The following SYNJ1 variants were observed in gnomAD, a reference collection of about 807,000 sequenced individuals.
SYNJ1 encodes the protein synaptojanin 1, also known as polyphosphatidylinositol phosphatase SYNJ1.
In SYNJ1, 78 loss-of-function variants were observed where a neutral mutation model predicts 168.2. That is an observed-to-expected ratio of 0.46 (90% CI 0.39 to 0.56). The LOEUF (loss-of-function observed/expected upper bound fraction) is 0.56, where lower values mean the gene tolerates loss of function less well. Ranked by LOEUF, SYNJ1 falls within the 20% of genes least tolerant of loss-of-function variation. The pLI, the probability that SYNJ1 is intolerant of heterozygous loss-of-function variation, is 0.00. For synonymous variants in SYNJ1, 539 were observed against 548.6 expected (o/e 0.98, Z 0.24); for missense variants, 1,303 against 1,597.6 (o/e 0.82, Z 3.14).
Position 32,715,899 on chromosome 21 carries a change from G to T in SYNJ1, c.124+10873C>A, listed in dbSNP as rs1041631958. 6.6e-5 allele frequency among the ~76,000 whole-genome samples: 10 copies of T among 151,996 alleles called. 1 individual carries two copies. ...GAAGTAATGAGTATCCAACCAAGAAGAATTTATATATCTCTCCAAATGCCA... is the reference window on the plus strand; with the variant it reads ...GAAGTAATGAGTATCCAACCAAGAATAATTTATATATCTCTCCAAATGCCA... On this transcript the variant is annotated intron_variant, in intron 2 of 32. Coordinates refer to ENST00000674351, the MANE Select transcript of SYNJ1 (RefSeq NM_203446.3).
In SYNJ1 at chr21:32,696,804, C is replaced by T. The variant is rs185323710; in HGVS notation, c.480-1522G>A. On this transcript the variant is annotated intron_variant, in intron 4 of 32. Transcript: ENST00000674351. Reference sequence around the variant, plus strand: ...CAGTTCTGGAAAACCAGCTATGACCCCAACCCCTCTTATCCATCCAGGAAA... The same window carrying T: ...CAGTTCTGGAAAACCAGCTATGACCTCAACCCCTCTTATCCATCCAGGAAA... 1.6e-4 allele frequency among the ~76,000 whole-genome samples: 25 copies of T among 152,230 alleles called. No homozygotes were observed. The South Asian group carries it at 3.5e-3, about 22-fold the overall frequency.
chr21:32,675,957 CAG>C (rs1306551981), intron 13 of SYNJ1, among the ~76,000 whole-genome samples: 2 of 152,118 alleles, frequency 1.3e-5, no homozygotes, highest in Non-Finnish European at 2.9e-5. Flanking sequence ...GGATGGCACT[CAG>C]AAATTAATTC....
chr21:32,645,004 C>A lies in SYNJ1; in HGVS notation c.3394G>T (p.Ala1132Ser), dbSNP rs902185670. Reference sequence around the variant, plus strand: ...TTTCTAGTGGGTGCAGGACTCCTAGCCCCTTATAGTTCATAAGAAAATAGG... The same window carrying A: ...TTTCTAGTGGGTGCAGGACTCCTAGACCCTTATAGTTCATAAGAAAATAGG... The part of the protein sequence containing the change: ...PPQRPPPPSG[A>S]RSPAPTRKEF... The change falls in exon 26 of 33, where the codon GCT becomes TCT. Residue 1132 changes from alanine to serine, a missense_variant and splice_region_variant. By Grantham distance (99) the Ala-to-Ser change is moderately conservative. Transcript: ENST00000674351. 2.5e-6 allele frequency: 4 copies of A among 1,601,754 alleles called. No homozygotes were observed. In the African/African-American group the frequency reaches 5.4e-5, roughly 22 times the overall value.
chr21:32,677,488 T>C (rs765442816), intron 12 of SYNJ1, among the ~76,000 whole-genome samples: 9 of 152,182 alleles, frequency 5.9e-5, no homozygotes, highest in Non-Finnish European at 1.2e-4. Flanking sequence ...GAGGATTACA[T>C]AGGTCCCTTG....
At chr21:32,640,440 C>T (rs1032603780) in intron 29 of SYNJ1, among the ~76,000 whole-genome samples, 5 of 151,846 alleles carry the variant, frequency 3.3e-5, no homozygotes, top group African/African-American at 7.3e-5. Flanking sequence ...GGACTACAGG[C>T]GCCCGCCACC....
intron 31 of SYNJ1, among the ~76,000 whole-genome samples, chr21:32,636,672 A>G (rs1284440439): frequency 6.6e-6 from 1 of 152,034 alleles, no homozygotes; most frequent in African/African-American, 2.4e-5. Context: ...AAAAGGTACA[A>G]AAAGATAGAA....
chr21:32,691,195 A>G (rs1245325320), intron 6 of SYNJ1, among the ~76,000 whole-genome samples: 3 of 152,200 alleles, frequency 2.0e-5, no homozygotes, highest in African/African-American at 7.2e-5. Flanking sequence ...TGGAGTTCTC[A>G]TGAATGGTTT....
intron 2 of SYNJ1, among the ~76,000 whole-genome samples, chr21:32,706,176 C>T (rs538997330): frequency 6.6e-6 from 1 of 152,328 alleles, no homozygotes; most frequent in African/African-American, 2.4e-5. Context: ...AACTGGTTTT[C>T]ACTTTCAACA....
intron 15 of SYNJ1, 41 bp from the exon 16 acceptor site, chr21:32,666,614 T>C: frequency 1.3e-6 from 2 of 1,586,396 alleles, no homozygotes. Flanking sequence ...TAAAAAGGTA[T>C]TGACAATAGC....
rs1469786555 is a variant in SYNJ1, at chr21:32,726,213, C to T, written c.124+559G>A. On this transcript the variant is annotated intron_variant, in intron 2 of 32. Coordinates refer to ENST00000674351, the MANE Select transcript of SYNJ1 (RefSeq NM_203446.3). Reference sequence around the variant, plus strand: ...CCATCTGCCCCTAAAATAACTCAAACATTACTAATCTATTTTTCTTGTGGT... The same window carrying T: ...CCATCTGCCCCTAAAATAACTCAAATATTACTAATCTATTTTTCTTGTGGT... Among the ~76,000 whole-genome samples the T allele has an allele frequency of 2.6e-5, 4 of 152,188 alleles. No individual in the cohort carries two copies. In the East Asian group the frequency reaches 7.7e-4, roughly 29 times the overall value.
rs1286622528 is a variant in SYNJ1, at chr21:32,702,046, T to C, written c.126A>G (p.Ser42=). Residue 42 remains serine, a splice_region_variant and synonymous_variant, in exon 3 of 33, where the codon TCA becomes TCG. Transcript: ENST00000674351. Reference sequence around the variant, plus strand: ...CCTTGATTGCCTCTTTTTCTGCAGATGCTACAAAAAAAAGTTTTAGTTTAA... The same window carrying C: ...CCTTGATTGCCTCTTTTTCTGCAGACGCTACAAAAAAAAGTTTTAGTTTAA... ...MFESGAVAVL[S]SAEKEAIKGT... 1.3e-6 allele frequency: 2 copies of C among 1,549,488 alleles called. No homozygotes were observed. The highest frequency in any genetic ancestry group is 1.7e-5 in the Admixed American group (1 of 57,982).
intron 31 of SYNJ1, 22 bp downstream of exon 31, chr21:32,638,886 T>C: frequency 6.4e-7 from 1 of 1,571,616 alleles, no homozygotes; most frequent in Non-Finnish European, 8.7e-7. Context: ...AGATAATATT[T>C]TGTGTAACAA....
At position 32,639,061 on chromosome 21, in the gene SYNJ1, G is replaced by A. The variant is rs201117151; in HGVS notation, c.3762C>T (p.Pro1254=). 209 of 1,613,948 alleles carry A rather than the reference G, an allele frequency of 1.3e-4. No individual in the cohort carries two copies. The highest frequency in any genetic ancestry group is 1.7e-4 in the Non-Finnish European group (196 of 1,179,986). The change falls in exon 31 of 33, where the codon CCC becomes CCT. Residue 1254 remains proline (P), a synonymous_variant. Transcript: ENST00000674351. ...QAAFPPQSSL[P]PPAQRLQEPL... ...GCTCTTGCAACCTTTGAGCAGGCGG[G>A]GGCAAAGAAGACTGCGGAGGAAAAG...
chr21:32,635,636 A>G (rs1440323089), intron 31 of SYNJ1, among the ~76,000 whole-genome samples: 3 of 152,292 alleles, frequency 2.0e-5, no homozygotes, highest in Middle Eastern at 3.4e-3. Flanking sequence ...TATTAGAGAA[A>G]ATGGCAATGT....
chr21:32,648,558 C>G (rs2040156594), intron 23 of SYNJ1, among the ~76,000 whole-genome samples: 1 of 152,184 alleles, frequency 6.6e-6, no homozygotes, highest in Non-Finnish European at 1.5e-5. Context: ...GGCTCTTTGA[C>G]ATTTCTAGAA....
At chr21:32,641,807 C>CA in intron 29 of SYNJ1, 89 bp downstream of exon 29, 1 of 918,108 alleles carries the variant, frequency 1.1e-6, no homozygotes, top group Non-Finnish European at 1.7e-6. Flanking sequence ...CTTGAAGGGT[C>CA]ACATGATTTC....
intron 18 of SYNJ1, among the ~76,000 whole-genome samples, chr21:32,662,001 C>G (rs1211791080): frequency 6.6e-6 from 1 of 152,178 alleles, no homozygotes; most frequent in Non-Finnish European, 1.5e-5. Flanking sequence ...AACGTAGTCC[C>G]TTTGCGGCCA....
At chr21:32,728,089 G>C (rs2122964615), upstream of SYNJ1, 29 of 1,512,078 alleles carry the variant, frequency 1.9e-5, no homozygotes, top group South Asian at 9.9e-5. Context: ...GGGAAGGGGC[G>C]GGGCATCAGG....
chr21:32,661,532 T>C (rs549167128), intron 18 of SYNJ1, among the ~76,000 whole-genome samples: 1 of 152,206 alleles, frequency 6.6e-6, no homozygotes, highest in South Asian at 2.1e-4. Context: ...CCCTTACGAA[T>C]TGGCTCACAT....
Sources: allele counts gnomAD v4.1 joint callset (sites outside exome capture counted in the v4.1 genomes callset), GRCh38; gene constraint gnomAD v4.1.1; transcripts MANE v1.5; gene names NCBI Gene and HGNC (gene_info 2026-07-23, HGNC 2026-07-21).